The following KTN1 variants were observed in gnomAD, a reference collection of about 807,000 sequenced individuals.
KTN1 encodes the protein kinectin 1.
KTN1 carries 130 observed loss-of-function variants against 222.5 expected under a neutral mutation model. The ratio of observed to expected loss-of-function variants is 0.58; its 90% CI spans 0.51 to 0.68. The LOEUF is 0.68. Among genes scored for constraint, KTN1 ranks in the 30% least tolerant of loss-of-function variants. KTN1 has a pLI of 0.00. For missense variants in KTN1, 1,508 were observed against 1,500.4 expected (o/e 1.01, Z -0.08); for synonymous variants, 512 against 496.3 (o/e 1.03, Z -0.42).
chr14:55,677,077 G>T (rs554493080), intron 41 of KTN1, among the ~76,000 whole-genome samples: 4 of 152,184 alleles, frequency 2.6e-5, no homozygotes, highest in South Asian at 2.1e-4. Context: ...CTTATTTACA[G>T]TAGCTAAGAT....
chr14:55,659,184 G>T (rs1240694004), intron 30 of KTN1, among the ~76,000 whole-genome samples: 4 of 152,100 alleles, frequency 2.6e-5, no homozygotes, highest in Non-Finnish European at 4.4e-5. Context: ...AAGCTTGAGA[G>T]ATTATTGTCA....
chr14:55,638,300 G>A (rs180964948), intron 12 of KTN1, among the ~76,000 whole-genome samples: 1 of 151,972 alleles, frequency 6.6e-6, no homozygotes, highest in African/African-American at 2.4e-5. Flanking sequence ...TAGTGACTCA[G>A]CCTTCCAAAG....
intron 1 of KTN1, among the ~76,000 whole-genome samples, chr14:55,607,953 CA>C (rs2036982963): frequency 6.6e-6 from 1 of 152,106 alleles, no homozygotes; most frequent in Non-Finnish European, 1.5e-5. Flanking sequence ...TGTGAGTTAG[CA>C]AAAATCACCA....
intron 19 of KTN1, among the ~76,000 whole-genome samples, chr14:55,647,650 A>AG (rs1291617889): frequency 6.8e-6 from 1 of 147,906 alleles, no homozygotes. Context: ...AAAAAAAAAA[A>AG]AAAAAAAAAA....
At position 55,639,156 on chromosome 14, in the gene KTN1, T is replaced by G. The variant is rs775309117; in HGVS notation, c.1786-29T>G. On this transcript the variant is annotated intron_variant, in intron 12 of 43. Transcript: ENST00000395314. Reference sequence around the variant, plus strand: ...GCTATAAAGCTTTCTCTTAAATACTTTTATGTTGACACTATTTTTCTTTCT... The same window carrying G: ...GCTATAAAGCTTTCTCTTAAATACTGTTATGTTGACACTATTTTTCTTTCT... The G allele has an allele frequency of 4.0e-5, 60 of 1,514,432 alleles. No homozygotes were observed. In the South Asian group the frequency reaches 6.7e-4, roughly 17 times the overall value. The allele number at this position is 1,514,432 out of a possible 1,614,324, so 93.8% of individuals were successfully genotyped here. A position where few individuals can be genotyped will look rare whatever the true frequency, so the allele number is the denominator to read the frequency against.
rs1414277915 is a variant in KTN1 at position 55,670,715 on chromosome 14, T to C, written c.3268-14T>C. The C allele has an allele frequency of 1.3e-6, 2 of 1,564,540 alleles. No individual in the cohort carries two copies. The highest frequency in any genetic ancestry group is 1.9e-5 in the Admixed American group (1 of 53,876). On this transcript the variant is annotated splice_polypyrimidine_tract_variant and intron_variant, in intron 34 of 43. Coordinates refer to ENST00000395314, the MANE Select transcript of KTN1 (RefSeq NM_001079521.2). ...TCTTTGGAAATTAATGATTTTAACT[T>C]TTCTCGTCCACAGAGTTATGGTGAA...
At position 55,647,660 on chromosome 14, in the gene KTN1, A is replaced by AG. The variant is rs2042516502; in HGVS notation, c.2208-364dup. 2.3e-5 allele frequency among the ~76,000 whole-genome samples: 3 copies of AG among 132,722 alleles called. No individual in the cohort carries two copies. In the East Asian group the frequency reaches 6.8e-4, roughly 30 times the overall value. 87.1% of individuals were successfully genotyped at this position (132,722 alleles called of 152,430 possible). ...AAAAAAAAAAAAAAAAAAAAAAAAA[A>AG]GAGCCAGGCATGGTGGCTGATGCTG... On this transcript the variant is annotated intron_variant, in intron 19 of 43. Transcript: ENST00000395314.
intron 33 of KTN1, among the ~76,000 whole-genome samples, chr14:55,664,263 G>A (rs1029896211): frequency 1.3e-5 from 2 of 152,100 alleles, no homozygotes; most frequent in Admixed American, 6.6e-5. Context: ...GCTTTGTTGA[G>A]CACAACTTTA....
intron 1 of KTN1, among the ~76,000 whole-genome samples, chr14:55,580,982 G>A (rs1402543801): frequency 2.0e-5 from 3 of 152,220 alleles, no homozygotes; most frequent in Non-Finnish European, 4.4e-5. Flanking sequence ...AGCAGCATGA[G>A]GGGGGACTTT....
chr14:55,672,393 C>T (rs2045528428), intron 37 of KTN1: 1 of 381,408 alleles, frequency 2.6e-6, no homozygotes, highest in Non-Finnish European at 4.7e-6. Context: ...TCAGTTAATA[C>T]TAATAAAAAA....
At chr14:55,640,082 TGTATATGAAAAATGGAAAATAG>T in intron 14 of KTN1, 79 bp downstream of exon 14, 1 of 864,746 alleles carries the variant, frequency 1.2e-6, no homozygotes, top group South Asian at 1.5e-5. Context: ...AATCAGTAAG[TGTATATGAAAAATGGAAAATAG>T]TCTAGAATTC....
chr14:55,653,005 ATTC>A lies in KTN1; in HGVS notation c.2695-9_2695-7del. 1.9e-6 allele frequency: 3 copies of A among 1,595,364 alleles called. No individual in the cohort carries two copies. Among genetic ancestry groups the A allele is most frequent in the Non-Finnish European group, 2.6e-6 (3 of 1,164,678 alleles). ...TTGACTATCAATTTAATTTACACCT[ATTC>A]TTTTTAAGGATCTTCAAGAAGAAAA... On this transcript the variant is annotated splice_polypyrimidine_tract_variant and intron_variant, in intron 26 of 43. Coordinates refer to ENST00000395314, the MANE Select transcript of KTN1 (RefSeq NM_001079521.2).
chr14:55,661,548 G>A lies in KTN1; in HGVS notation c.3026G>A (p.Ser1009Asn), dbSNP rs139593506. 326 of 1,601,918 alleles carry A rather than the reference G, an allele frequency of 2.0e-4. 1 individual carries two copies. Among genetic ancestry groups the A allele is most frequent in the Non-Finnish European group, 2.6e-4 (305 of 1,169,402 alleles). ...ATTTCAGAAAGAGAGAAAGAAATAAGTGGTCTCTGGAATGAGTTAGATTCT... is the reference window on the plus strand; with the variant it reads ...ATTTCAGAAAGAGAGAAAGAAATAAATGGTCTCTGGAATGAGTTAGATTCT... ...KVISEREKEI[S>N]GLWNELDSLK... is the part of the protein sequence containing the mutation. Residue 1009 changes from serine (S) to asparagine (N), a missense_variant, in exon 32 of 44, where the codon AGT becomes AAT. Physicochemically the swap from Ser to Asn is conservative, Grantham distance 46. Coordinates refer to ENST00000395314, the MANE Select transcript of KTN1 (RefSeq NM_001079521.2).
rs73289510 is a variant in KTN1, at chr14:55,651,167, T to C, written c.2565+530T>C. On this transcript the variant is annotated intron_variant, in intron 24 of 43. Transcript: ENST00000395314. ...TCATAGATTCATTCAGCAATATTTA[T>C]TGTCAAAGCAGTACTTGTCAAAGCA... 1.6e-3 allele frequency: 641 copies of C among 399,876 alleles called. 5 individuals carry two copies. Among genetic ancestry groups the C allele is most frequent in the African/African-American group, 0.012 (597 of 48,010 alleles). The allele number at this position is 399,876 out of a possible 1,614,324, so 24.8% of individuals were successfully genotyped here.
Position 55,684,085 on chromosome 14 carries a change from C to A in KTN1, c.4070-14C>A. 6.3e-7 allele frequency: 1 copy of A among 1,598,092 alleles called. No individual in the cohort carries two copies. The highest frequency in any genetic ancestry group is 8.5e-7 in the Non-Finnish European group (1 of 1,170,326). ...TGTTTTAAAGTGAAATTCATTCTTT[C>A]TGATCTTTTACAGAGTGAAGTAATT... On this transcript the variant is annotated splice_polypyrimidine_tract_variant and intron_variant, in intron 43 of 43. Coordinates refer to ENST00000395314, the MANE Select transcript of KTN1 (RefSeq NM_001079521.2).
intron 2 of KTN1, among the ~76,000 whole-genome samples, chr14:55,613,491 A>ATT (rs57451000): frequency 2.5e-3 from 319 of 129,232 alleles, no homozygotes; most frequent in African/African-American, 8.7e-3. Flanking sequence ...GTTATATTTG[A>ATT]TTTTTTTTTT....
At chr14:55,667,673 G>A (rs2044962774) in intron 34 of KTN1, 1 of 160,270 alleles carries the variant, frequency 6.2e-6, no homozygotes, top group Non-Finnish European at 1.3e-5. Context: ...CTTAGTTTTA[G>A]CAACACTTCC....
At chr14:55,582,399 A>G (rs2031891552) in intron 1 of KTN1, among the ~76,000 whole-genome samples, 1 of 152,176 alleles carries the variant, frequency 6.6e-6, no homozygotes, top group Admixed American at 6.5e-5. Context: ...ATGGCTTTTT[A>G]AAAGAGCCTA....
At chr14:55,637,680 AG>A (rs2041298785) in intron 11 of KTN1, 98 bp from the exon 12 acceptor site, 10 of 841,026 alleles carry the variant, frequency 1.2e-5, no homozygotes, top group Admixed American at 4.9e-5. Context: ...AAAAAAAAAA[AG>A]AAAAAGATAA....
Sources: allele counts gnomAD v4.1 joint callset (sites outside exome capture counted in the v4.1 genomes callset), GRCh38; gene constraint gnomAD v4.1.1; transcripts MANE v1.5; gene names NCBI Gene and HGNC (gene_info 2026-07-23, HGNC 2026-07-21).